SEMA6D: variants seen among roughly 807,000 people sequenced by gnomAD.
SEMA6D encodes semaphorin 6D.
Under a neutral mutation model 106.6 loss-of-function variants are expected in SEMA6D, and 35 were observed. The ratio of observed to expected loss-of-function variants is 0.33; its 90% CI spans 0.25 to 0.44. The LOEUF is 0.44. SEMA6D is among the 20% of genes least tolerant of loss of function. SEMA6D has a pLI of 1.00. For missense variants in SEMA6D, 1,185 were observed against 1,345.9 expected, an observed-to-expected ratio of 0.88 and a Z score of 1.87; for synonymous variants, 499 against 487.7, an observed-to-expected ratio of 1.02 and a Z score of -0.31.
At chr15:47,513,738 T>G (rs964397787) in intron 3 of SEMA6D, among the ~76,000 whole-genome samples, 5 of 152,188 alleles carry the variant, frequency 3.3e-5, no homozygotes, top group African/African-American at 1.2e-4. Flanking sequence ...TTGAAGCATA[T>G]CAAGCGAAGC....
rs182792804 is a variant in SEMA6D at position 47,461,339 on chromosome 15, G to A, written c.-158-9135G>A. ...TCTTCATTGTCTCCCCACAGCCACT[G>A]CCACACACACACTCTTGAATGTATG... On this transcript the variant is annotated intron_variant, in intron 2 of 19. Transcript: ENST00000558014. Among the ~76,000 whole-genome samples the A allele has an allele frequency of 4.2e-3, 640 of 152,036 alleles. 2 individuals are homozygous for A. Among genetic ancestry groups the A allele is most frequent in the Non-Finnish European group, 6.6e-3 (451 of 67,946 alleles).
chr15:47,184,556 C>T (rs1432163222), intron 1 of SEMA6D: 2 of 152,212 alleles, frequency 1.3e-5, no homozygotes, highest in African/African-American at 4.8e-5. Flanking sequence ...TCCAGCCTCC[C>T]GGCGCGCCGC....
chr15:47,406,068 G>T (rs2040556518), intron 1 of SEMA6D, among the ~76,000 whole-genome samples: 1 of 152,204 alleles, frequency 6.6e-6, no homozygotes, highest in Non-Finnish European at 1.5e-5. Flanking sequence ...TCTATTCTCT[G>T]CACAAGGCTT....
intron 4 of SEMA6D, among the ~76,000 whole-genome samples, chr15:47,645,811 T>C (rs996278108): frequency 6.6e-6 from 1 of 152,144 alleles, no homozygotes; most frequent in Non-Finnish European, 1.5e-5. Flanking sequence ...CAGGTTCCAT[T>C]AATTTGCTAC....
chr15:47,576,789 T>A (rs971019734), intron 3 of SEMA6D, among the ~76,000 whole-genome samples: 1 of 152,242 alleles, frequency 6.6e-6, no homozygotes, highest in Admixed American at 6.5e-5. Flanking sequence ...GTCCAGACTA[T>A]GTCTTCCAAG....
intron 3 of SEMA6D, among the ~76,000 whole-genome samples, chr15:47,503,273 C>T (rs2043917584): frequency 1.3e-5 from 2 of 152,108 alleles, no homozygotes; most frequent in African/African-American, 4.8e-5. Context: ...AAGTAATATA[C>T]ACCTGAGTCA....
intron 4 of SEMA6D, chr15:47,606,243 G>C (rs1566929516): frequency 6.6e-6 from 1 of 152,160 alleles, no homozygotes; most frequent in African/African-American, 2.4e-5. Context: ...TTCCCCCTTG[G>C]AGACCAGTCC....
intron 4 of SEMA6D, among the ~76,000 whole-genome samples, chr15:47,646,169 C>G (rs751144928): frequency 6.6e-6 from 1 of 152,132 alleles, no homozygotes; most frequent in African/African-American, 2.4e-5. Flanking sequence ...CTAACCTTGC[C>G]TCAGTCTTTC....
intron 4 of SEMA6D, among the ~76,000 whole-genome samples, chr15:47,630,240 A>C (rs1448768186): frequency 6.6e-6 from 1 of 151,806 alleles, no homozygotes; most frequent in Non-Finnish European, 1.5e-5. Flanking sequence ...TTTTAGCAAT[A>C]GTTGTTCTAA....
intron 3 of SEMA6D, among the ~76,000 whole-genome samples, chr15:47,555,131 AG>A (rs1393802189): frequency 1.3e-5 from 2 of 152,144 alleles, no homozygotes; most frequent in Non-Finnish European, 2.9e-5. Flanking sequence ...CCACTTCCCC[AG>A]GAGGATGTTG....
intron 4 of SEMA6D, among the ~76,000 whole-genome samples, chr15:47,666,756 A>G (rs2078033904): frequency 6.6e-6 from 1 of 152,188 alleles, no homozygotes; most frequent in Admixed American, 6.5e-5. Flanking sequence ...TAGGGAATGT[A>G]TGTTCCTCAC....
rs71719777 is a variant in SEMA6D at position 47,756,896 on chromosome 15, A to ATTTT, written c.-54-2833_-54-2830dup. ...AACTACTATGGCAAGTCTGAATGTAATTTTTTTTTTTTTTTTTTTCAGAAA... is the reference window on the plus strand; with the variant it reads ...AACTACTATGGCAAGTCTGAATGTAATTTTTTTTTTTTTTTTTTTTTTTCAGAAA... On this transcript the variant is annotated intron_variant, in intron 1 of 18. Coordinates refer to ENST00000536845, the MANE Select transcript of SEMA6D (RefSeq NM_001358351.3). 1.1e-4 allele frequency among the ~76,000 whole-genome samples: 15 copies of ATTTT among 133,676 alleles called. No individual in the cohort carries two copies. In the East Asian group the frequency reaches 1.6e-3, roughly 14 times the overall value. The allele number at this position is 133,676 out of a possible 152,430, so 87.7% of individuals were successfully genotyped here.
intron 1 of SEMA6D, chr15:47,184,552 C>T (rs1893406694): frequency 6.6e-6 from 1 of 152,216 alleles, no homozygotes; most frequent in African/African-American, 2.4e-5. Flanking sequence ...ATGCTCCAGC[C>T]TCCCGGCGCG....
chr15:47,529,427 G>C (rs1223323984), intron 3 of SEMA6D, among the ~76,000 whole-genome samples: 1 of 152,134 alleles, frequency 6.6e-6, no homozygotes. Context: ...AGGGTCAACT[G>C]TATTGGGCAA....
At chr15:47,764,385 T>C in intron 11 of SEMA6D, 80 bp downstream of exon 11, 1 of 1,511,674 alleles carries the variant, frequency 6.6e-7, no homozygotes, top group Non-Finnish European at 8.9e-7. Context: ...AGGGAGCAGC[T>C]TGGCCAACCT....
intron 1 of SEMA6D, among the ~76,000 whole-genome samples, chr15:47,223,130 A>G (rs1324412127): frequency 6.7e-6 from 1 of 150,258 alleles, no homozygotes; most frequent in Non-Finnish European, 1.5e-5. Flanking sequence ...AAGACACACC[A>G]TAGTGCTGAC....
intron 1 of SEMA6D, among the ~76,000 whole-genome samples, chr15:47,340,593 C>T (rs147419104): frequency 0.011 from 1,688 of 152,210 alleles, 13 homozygotes; most frequent in Non-Finnish European, 0.014. Context: ...AAAATATTAA[C>T]TTTTTCCAAG....
intron 4 of SEMA6D, among the ~76,000 whole-genome samples, chr15:47,605,504 T>A (rs2076760595): frequency 2.0e-5 from 3 of 152,180 alleles, no homozygotes; most frequent in Admixed American, 2.0e-4. Flanking sequence ...CAGACACCCC[T>A]GGGTCAAGGG....
intron 3 of SEMA6D, among the ~76,000 whole-genome samples, chr15:47,542,617 A>T (rs1213306049): frequency 1.3e-5 from 2 of 152,000 alleles, no homozygotes; most frequent in East Asian, 3.9e-4. Flanking sequence ...TCCATTCCTA[A>T]TGTTTACAGT....
Sources: allele counts gnomAD v4.1 joint callset (sites outside exome capture counted in the v4.1 genomes callset), GRCh38; gene constraint gnomAD v4.1.1; transcripts MANE v1.5; gene names NCBI Gene and HGNC (gene_info 2026-07-23, HGNC 2026-07-21).